MGAT5: variants seen among roughly 807,000 people sequenced by gnomAD.
MGAT5 encodes the protein alpha-1,6-mannosylglycoprotein 6-beta-N-acetylglucosaminyltransferase.
A neutral mutation model predicts 94.3 loss-of-function variants in MGAT5; 30 were observed. The ratio of observed to expected loss-of-function variants is 0.32; its 90% CI spans 0.24 to 0.43. The LOEUF is 0.43. Ranked by LOEUF, MGAT5 falls within the 20% of genes least tolerant of loss-of-function variation. The pLI is 1.00. For synonymous variants in MGAT5, 310 were observed against 322.9 expected (o/e 0.96, Z 0.43); for missense variants, 691 against 905.5 (o/e 0.76, Z 3.04).
At chr2:134,250,027 T>G (rs140076203), upstream of MGAT5, among the ~76,000 whole-genome samples, 454 of 152,286 alleles carry the variant, frequency 3.0e-3, 3 homozygotes, top group South Asian at 7.9e-3. Flanking sequence ...TCTTTTCATG[T>G]GCTTTTTTTT....
At chr2:134,217,285 G>A (rs74342641) in intron 1 of MGAT5, among the ~76,000 whole-genome samples, 2,265 of 141,738 alleles carry the variant, frequency 0.016, 23 homozygotes, top group Middle Eastern at 0.05. Flanking sequence ...TATACCAAAT[G>A]TGTTTTTGTA....
chr2:134,232,454 G>A (rs1681418685), intron 1 of MGAT5, among the ~76,000 whole-genome samples: 1 of 152,098 alleles, frequency 6.6e-6, no homozygotes, highest in South Asian at 2.1e-4. Context: ...AGCTGAAGAG[G>A]GGCCTTGGGA....
intron 4 of MGAT5, among the ~76,000 whole-genome samples, chr2:134,321,148 C>T (rs1687290975): frequency 6.6e-6 from 1 of 152,110 alleles, no homozygotes; most frequent in South Asian, 2.1e-4. Flanking sequence ...AGGAGTAAAG[C>T]CTGGGGCCAT....
intron 2 of MGAT5, among the ~76,000 whole-genome samples, chr2:134,288,899 A>G (rs1685177703): frequency 6.6e-6 from 1 of 152,184 alleles, no homozygotes; most frequent in Admixed American, 6.5e-5. Context: ...CACTTGCTCA[A>G]ACCTCTCATT....
chr2:134,381,536 C>CAGACAGATAGATAGATAGATAGAT (rs59821586), intron 10 of MGAT5, among the ~76,000 whole-genome samples: 4,099 of 146,910 alleles, frequency 0.028, 116 homozygotes, highest in Admixed American at 0.046. Context: ...GACAGACAGA[C>CAGACAGATAGATAGATAGATAGAT]AGATAGATAG....
chr2:134,331,628 T>TG (rs1687981503), intron 4 of MGAT5, among the ~76,000 whole-genome samples: 3 of 151,338 alleles, frequency 2.0e-5, no homozygotes, highest in Middle Eastern at 3.4e-3. Context: ...AGGGGGTTGG[T>TG]GGGGGGAGGC....
chr2:134,408,183 A>G (rs938445512), intron 11 of MGAT5, among the ~76,000 whole-genome samples: 5 of 151,934 alleles, frequency 3.3e-5, no homozygotes, highest in African/African-American at 4.8e-5. Flanking sequence ...TTTGGGGGAG[A>G]GAGGCGTGGT....
At chr2:134,429,376 G>A (rs1291991540) in intron 14 of MGAT5, among the ~76,000 whole-genome samples, 1 of 152,240 alleles carries the variant, frequency 6.6e-6, no homozygotes, top group Non-Finnish European at 1.5e-5. Context: ...GGGGTGGTGT[G>A]TCTGATATGC....
intron 2 of MGAT5, among the ~76,000 whole-genome samples, chr2:134,291,633 A>G (rs190596025): frequency 1.3e-5 from 2 of 152,348 alleles, no homozygotes; most frequent in East Asian, 3.9e-4. Flanking sequence ...TAGCACGTTC[A>G]TAGGGCGAAG....
chr2:134,199,477 A>G (rs1159912938), intron 1 of MGAT5, among the ~76,000 whole-genome samples: 1 of 149,294 alleles, frequency 6.7e-6, no homozygotes, highest in African/African-American at 2.5e-5. Context: ...GCTGGCTGCA[A>G]CTGTATTTTG....
chr2:134,423,656 G>A (rs1344308989), intron 13 of MGAT5, among the ~76,000 whole-genome samples: 1 of 152,178 alleles, frequency 6.6e-6, no homozygotes, highest in Non-Finnish European at 1.5e-5. Context: ...GCCGGGGTAG[G>A]CATGTGGGAG....
At chr2:134,336,372 C>A in intron 5 of MGAT5, 84 bp downstream of exon 5, 2 of 1,119,818 alleles carry the variant, frequency 1.8e-6, no homozygotes, top group Non-Finnish European at 1.3e-6. Flanking sequence ...CTAGAAATGC[C>A]AACTATAACC....
In MGAT5 at chr2:134,317,576, G is replaced by A. The variant is rs778408120; in HGVS notation, c.454G>A (p.Gly152Ser). Reference sequence around the variant, plus strand: ...AAAATGTGTATTGCCTCCTATGGACGGCTACCCTCACTGTGAGGGAAAGAT... The same window carrying A: ...AAAATGTGTATTGCCTCCTATGGACAGCTACCCTCACTGTGAGGGAAAGAT... ...QEKCVLPPMDGYPHCEGKIKW... is the reference protein window; with the variant it reads ...QEKCVLPPMDSYPHCEGKIKW... The change falls in exon 3 of 16, where the codon GGC becomes AGC. Residue 152 changes from glycine (G) to serine (S), a missense_variant. Gly to Ser is a moderately conservative substitution (Grantham distance 56, BLOSUM62 0). This residue lies in a region of MGAT5 where 307 missense variants were observed against 335.4 expected (regional missense o/e 0.92). Transcript: ENST00000281923. 4 of 1,567,436 alleles carry A rather than the reference G, an allele frequency of 2.6e-6. No homozygotes were observed. Among genetic ancestry groups the A allele is most frequent in the East Asian group, 2.4e-5 (1 of 40,980 alleles).
chr2:134,439,350 A>G (rs1299813354), intron 14 of MGAT5, among the ~76,000 whole-genome samples: 2 of 152,228 alleles, frequency 1.3e-5, no homozygotes, highest in Non-Finnish European at 2.9e-5. Context: ...AGCTGCCCAC[A>G]GAGCCTTCGG....
chr2:134,154,107 G>A (rs1276892265), intron 1 of MGAT5, among the ~76,000 whole-genome samples: 2 of 152,178 alleles, frequency 1.3e-5, no homozygotes, highest in African/African-American at 2.4e-5. Flanking sequence ...CCCACCAGGT[G>A]TTATTAATAG....
intron 4 of MGAT5, among the ~76,000 whole-genome samples, chr2:134,331,393 A>T (rs924931951): frequency 6.6e-6 from 1 of 152,084 alleles, no homozygotes; most frequent in South Asian, 2.1e-4. Flanking sequence ...TAAAAAGATT[A>T]GTTCATGTCA....
intron 1 of MGAT5, among the ~76,000 whole-genome samples, chr2:134,189,607 T>TTTTGTTTTTTTTTTTTG (rs1553490427): frequency 5.0e-5 from 4 of 80,618 alleles, no homozygotes; most frequent in Non-Finnish European, 7.0e-5. Flanking sequence ...TTTTTGTTTT[T>TTTTGTTTTTTTTTTTTG]TTTTTTTTTT....
chr2:134,430,642 A>G (rs189448153), intron 14 of MGAT5, among the ~76,000 whole-genome samples: 3 of 152,338 alleles, frequency 2.0e-5, no homozygotes, highest in East Asian at 3.9e-4. Flanking sequence ...GCTGGAAAGC[A>G]TGCTAATAAA....
chr2:134,389,480 G>A lies in MGAT5; in HGVS notation c.1381-13508G>A, dbSNP rs893507161. Among the ~76,000 whole-genome samples, 6 of 152,042 alleles carry A rather than the reference G, an allele frequency of 3.9e-5. No homozygotes were observed. In the South Asian group the frequency reaches 6.2e-4, roughly 16 times the overall value. ...TCTCACTTTAATTTTTCTAAGTGGC[G>A]TTTAGCCTCAGCCTCTGTGCTACTC... On this transcript the variant is annotated intron_variant, in intron 10 of 15. Coordinates refer to ENST00000281923, the MANE Select transcript of MGAT5 (RefSeq NM_002410.5).
Sources: gnomAD v4.1 joint callset for allele counts (sites outside exome capture counted in the v4.1 genomes callset) on GRCh38, gnomAD v4.1.1 for gene constraint, gnomAD v4.1.1 regional missense constraint, MANE v1.5 for transcripts, NCBI Gene and HGNC (gene_info 2026-07-23, HGNC 2026-07-21) for gene names.